BCKDHB: variants seen among roughly 807,000 people sequenced by gnomAD.
The protein encoded by BCKDHB is branched chain keto acid dehydrogenase E1 subunit beta, also known as 2-oxoisovalerate dehydrogenase subunit beta, mitochondrial.
In BCKDHB, 41 loss-of-function variants were observed where a neutral mutation model predicts 48.5. That is an observed-to-expected ratio of 0.85 (90% CI 0.66 to 1.10). The LOEUF is 1.10. Among genes scored for constraint, BCKDHB ranks in the 50% least tolerant of loss-of-function variants. The probability of loss-of-function intolerance (pLI) is 0.00; values close to 1 mark genes in which losing one functional copy is unlikely to be tolerated. For synonymous variants in BCKDHB, 201 were observed against 174.8 expected, an observed-to-expected ratio of 1.15 and a Z score of -1.18; for missense variants, 496 against 494.2, an observed-to-expected ratio of 1.00 and a Z score of -0.03.
intron 3 of BCKDHB, 54 bp from the exon 4 acceptor site, chr6:80,167,624 G>T: frequency 1.3e-6 from 2 of 1,495,214 alleles, no homozygotes; most frequent in Non-Finnish European, 1.9e-6. Context: ...AATGTATTAT[G>T]CATGACATTA....
chr6:80,286,973 C>A (rs920768648), intron 9 of BCKDHB, among the ~76,000 whole-genome samples: 4 of 152,070 alleles, frequency 2.6e-5, no homozygotes, highest in African/African-American at 9.7e-5. Flanking sequence ...CAATAATTTT[C>A]TTTCAAAAAG....
At chr6:80,214,858 T>C (rs1775097692) in intron 8 of BCKDHB, among the ~76,000 whole-genome samples, 1 of 152,200 alleles carries the variant, frequency 6.6e-6, no homozygotes. Flanking sequence ...TCTCTAAACC[T>C]TTAGTTAAAA....
chr6:80,183,525 C>G (rs1562116948), intron 6 of BCKDHB, among the ~76,000 whole-genome samples: 1 of 152,148 alleles, frequency 6.6e-6, no homozygotes, highest in Non-Finnish European at 1.5e-5. Flanking sequence ...CTCAAACAAG[C>G]ATAGCCTTCC....
At position 80,269,541 on chromosome 6, in the gene BCKDHB, T is replaced by C. The variant is rs151133261; in HGVS notation, c.952-3594T>C. 3.9e-5 allele frequency among the ~76,000 whole-genome samples: 6 copies of C among 152,152 alleles called. No individual in the cohort carries two copies. In the East Asian group the frequency reaches 1.2e-3, roughly 29 times the overall value. On this transcript the variant is annotated intron_variant, in intron 8 of 9. Transcript: ENST00000320393. ...GATGCCATTTGTCACCCGTAACTCA[T>C]TGGTGCTCCATCTGCCATAGCCCGG...
chr6:80,338,759 C>T (rs185611074), intron 9 of BCKDHB, among the ~76,000 whole-genome samples: 1 of 152,214 alleles, frequency 6.6e-6, no homozygotes, highest in East Asian at 1.9e-4. Context: ...AGCACTATGA[C>T]ATGTCAGGCA....
the BCKDHB span, among the ~76,000 whole-genome samples, chr6:80,387,226 T>A: frequency 6.6e-6 from 1 of 152,248 alleles, no homozygotes; most frequent in South Asian, 2.1e-4. Context: ...CTGTGGTCGT[T>A]TCCCCAGTGT....
At chr6:80,193,383 C>T (rs572274049) in intron 6 of BCKDHB, among the ~76,000 whole-genome samples, 7 of 152,032 alleles carry the variant, frequency 4.6e-5, no homozygotes, top group East Asian at 3.9e-4. Flanking sequence ...AAAACATTTA[C>T]GACCTTAAAA....
chr6:80,254,526 T>A (rs1776968645), intron 8 of BCKDHB, among the ~76,000 whole-genome samples: 1 of 151,898 alleles, frequency 6.6e-6, no homozygotes, highest in East Asian at 1.9e-4. Context: ...TGAGACCCCA[T>A]CTCTACAAAA....
chr6:80,388,199 G>A, the BCKDHB span, among the ~76,000 whole-genome samples: 4 of 152,218 alleles, frequency 2.6e-5, no homozygotes, highest in Non-Finnish European at 5.9e-5. Context: ...CAGAACTGGA[G>A]GAGGCTCTGA....
chr6:80,416,818 T>C, the BCKDHB span, among the ~76,000 whole-genome samples: 26 of 151,750 alleles, frequency 1.7e-4, no homozygotes, highest in Non-Finnish European at 2.7e-4. Context: ...TTTTAGGTAT[T>C]CTGGGTTTTT....
intron 9 of BCKDHB, among the ~76,000 whole-genome samples, chr6:80,321,890 A>G (rs989232486): frequency 3.3e-5 from 5 of 152,164 alleles, no homozygotes; most frequent in Admixed American, 6.5e-5. Flanking sequence ...ATGAAATCAA[A>G]TGTGTTTTCT....
intron 9 of BCKDHB, 127 bp from the exon 10 acceptor site, chr6:80,343,537 A>G: frequency 1.9e-6 from 2 of 1,034,890 alleles, no homozygotes; most frequent in Non-Finnish European, 2.9e-6. Context: ...ATTACAGTAT[A>G]CTTAAATATT....
chr6:80,215,217 G>A (rs1435330778), intron 8 of BCKDHB, among the ~76,000 whole-genome samples: 2 of 152,230 alleles, frequency 1.3e-5, no homozygotes, highest in Non-Finnish European at 2.9e-5. Context: ...GTAGGGCGGT[G>A]CCCTCCTCTC....
chr6:80,363,154 G>T, the BCKDHB span, among the ~76,000 whole-genome samples: 1 of 152,126 alleles, frequency 6.6e-6, no homozygotes, highest in Non-Finnish European at 1.5e-5. Flanking sequence ...TCAGTTTAAT[G>T]ACACTTGGAA....
intron 6 of BCKDHB, among the ~76,000 whole-genome samples, chr6:80,192,913 G>T (rs1176595058): frequency 3.3e-5 from 5 of 151,322 alleles, no homozygotes; most frequent in Non-Finnish European, 5.9e-5. Context: ...CCATCTCCCA[G>T]GTTCAAGTGA....
chr6:80,113,190 A>G (rs753385782), intron 1 of BCKDHB, among the ~76,000 whole-genome samples: 2 of 152,232 alleles, frequency 1.3e-5, no homozygotes, highest in Non-Finnish European at 2.9e-5. Flanking sequence ...ATGAGCTGCC[A>G]TGGCCAACTG....
the BCKDHB span, among the ~76,000 whole-genome samples, chr6:80,401,920 C>G: frequency 1.3e-5 from 2 of 151,672 alleles, no homozygotes; most frequent in African/African-American, 4.8e-5. Flanking sequence ...GTCAGGATTT[C>G]CTTTTTCTTT....
At chr6:80,295,317 G>A (rs147921610) in intron 9 of BCKDHB, among the ~76,000 whole-genome samples, 24 of 152,158 alleles carry the variant, frequency 1.6e-4, no homozygotes, top group Middle Eastern at 3.4e-3. Flanking sequence ...TGGCTGGGGA[G>A]GCCTCATAAT....
At chr6:80,210,354 A>G (rs981166773) in intron 8 of BCKDHB, among the ~76,000 whole-genome samples, 3 of 152,120 alleles carry the variant, frequency 2.0e-5, no homozygotes, top group African/African-American at 7.2e-5. Context: ...ATACTGAATG[A>G]TTTATTTTAT....
Sources: gnomAD v4.1 joint callset for allele counts (sites outside exome capture counted in the v4.1 genomes callset) on GRCh38, gnomAD v4.1.1 for gene constraint, MANE v1.5 for transcripts, NCBI Gene and HGNC (gene_info 2026-07-23, HGNC 2026-07-21) for gene names.